MMS22L: variants seen among roughly 807,000 people sequenced by gnomAD.
MMS22L encodes the protein MMS22 like, DNA repair protein.
MMS22L carries 74 observed loss-of-function variants against 159.1 expected under a neutral mutation model. That is an observed-to-expected ratio of 0.47 (90% CI 0.39 to 0.56). MMS22L has a LOEUF of 0.56. MMS22L is among the 20% of genes least tolerant of loss of function. The probability of loss-of-function intolerance (pLI) is 0.00; values close to 1 mark genes in which losing one functional copy is unlikely to be tolerated. For synonymous variants in MMS22L, 517 were observed against 506.9 expected (o/e 1.02, Z -0.27); for missense variants, 1,351 against 1,422.1 (o/e 0.95, Z 0.80).
intron 10 of MMS22L, among the ~76,000 whole-genome samples, chr6:97,247,881 A>T (rs1812836996): frequency 6.6e-6 from 1 of 152,184 alleles, no homozygotes; most frequent in South Asian, 2.1e-4. Context: ...AGCATAATGA[A>T]TTCTCATGAT....
intron 11 of MMS22L, among the ~76,000 whole-genome samples, chr6:97,245,775 G>GT (rs1234715655): frequency 6.7e-6 from 1 of 149,936 alleles, no homozygotes; most frequent in East Asian, 2.0e-4. Context: ...TCCTAAAAAA[G>GT]TAAGAGTTAA....
intron 14 of MMS22L, 46 bp from the exon 15 acceptor site, chr6:97,186,736 C>A (rs1170616277): frequency 1.5e-6 from 2 of 1,329,356 alleles, no homozygotes; most frequent in Non-Finnish European, 9.9e-7. Context: ...TAAATGCTTA[C>A]AAAAATCTTC....
chr6:97,246,714 T>G, intron 10 of MMS22L, 24 bp from the exon 11 acceptor site: 2 of 1,103,114 alleles, frequency 1.8e-6, no homozygotes, highest in Non-Finnish European at 2.7e-6. Context: ...AAATAGTGCA[T>G]CAAAATTATT....
chr6:97,177,773 T>C (rs914528927), intron 18 of MMS22L, among the ~76,000 whole-genome samples: 1 of 152,306 alleles, frequency 6.6e-6, no homozygotes. Context: ...AAAGAGCTTA[T>C]TGATTTTAAT....
intron 2 of MMS22L, among the ~76,000 whole-genome samples, chr6:97,282,103 AG>A (rs1816803530): frequency 6.6e-6 from 1 of 152,240 alleles, no homozygotes; most frequent in South Asian, 2.1e-4. Context: ...TCAGTTACCA[AG>A]GAAGTTTTCC....
chr6:97,264,479 G>GT (rs1192294781), intron 8 of MMS22L: 10 of 151,842 alleles, frequency 6.6e-5, no homozygotes, highest in African/African-American at 2.2e-4. Context: ...TTTTACGTAA[G>GT]TTATGTACAC....
intron 5 of MMS22L, 35 bp from the exon 6 acceptor site, chr6:97,272,916 T>A: frequency 6.2e-7 from 1 of 1,606,860 alleles, no homozygotes; most frequent in East Asian, 2.2e-5. Context: ...ACAACTAGAG[T>A]CTGTGTGAAT....
At chr6:97,217,673 T>C (rs537398408) in intron 14 of MMS22L, among the ~76,000 whole-genome samples, 31 of 152,186 alleles carry the variant, frequency 2.0e-4, no homozygotes, top group Non-Finnish European at 4.3e-4. Flanking sequence ...ATCAGGGGCA[T>C]AGCAAATAAA....
chr6:97,246,839 A>G (rs1812698393), intron 10 of MMS22L, 149 bp from the exon 11 acceptor site: 4 of 573,318 alleles, frequency 7.0e-6, no homozygotes, highest in Non-Finnish European at 1.2e-5. Context: ...TTCCTTTGGT[A>G]AAGAGTTAAC....
intron 11 of MMS22L, among the ~76,000 whole-genome samples, chr6:97,237,606 AC>A (rs1322550427): frequency 6.6e-6 from 1 of 152,222 alleles, no homozygotes; most frequent in Non-Finnish European, 1.5e-5. Context: ...TATATACGCC[AC>A]GGTGCCTGTT....
At position 97,282,539 on chromosome 6, in the gene MMS22L, G is replaced by A. The variant is rs1377474345; in HGVS notation, c.-62C>T. ...GTATCATTAAGGGCTCCAAAGAGAA[G>A]GTGTGAAGAGATTCCTGTTGGGGGG... On this transcript the variant is annotated 5_prime_UTR_variant, in exon 2 of 25. Transcript: ENST00000683635. The A allele has an allele frequency of 5.0e-6, 2 of 397,078 alleles. No individual in the cohort carries two copies. Among genetic ancestry groups the A allele is most frequent in the Non-Finnish European group, 7.3e-6 (2 of 273,158 alleles). The allele number at this position is 397,078 out of a possible 1,614,324, so 24.6% of individuals were successfully genotyped here.
chr6:97,225,604 G>A (rs1376092536), intron 14 of MMS22L, among the ~76,000 whole-genome samples: 1 of 146,234 alleles, frequency 6.8e-6, no homozygotes, highest in African/African-American at 2.6e-5. Context: ...ACCCAGTCTC[G>A]CTCTGTCACA....
At chr6:97,159,477 T>A (rs1033965394) in intron 22 of MMS22L, among the ~76,000 whole-genome samples, 1 of 152,038 alleles carries the variant, frequency 6.6e-6, no homozygotes, top group African/African-American at 2.4e-5. Flanking sequence ...ACTTATTATA[T>A]AATATCTACA....
chr6:97,281,806 C>A (rs1317556158), intron 2 of MMS22L, among the ~76,000 whole-genome samples: 2 of 152,202 alleles, frequency 1.3e-5, no homozygotes, highest in African/African-American at 4.8e-5. Context: ...AGTTTCCTCA[C>A]TGAAACTGCC....
chr6:97,168,223 A>G lies in MMS22L; in HGVS notation c.2857T>C (p.Trp953Arg). ...TTAGAAGTGGCAAAGATTTGTGCCC[A>G]TGATTTCACAAGAATTCCTAACAAA... is the stretch of plus-strand genomic sequence containing the variant. Reference protein sequence around the residue: ...YGMMGILVKSWAQIFATSKAQ... With the variant: ...YGMMGILVKSRAQIFATSKAQ... The change falls in exon 20 of 25, where the codon TGG (tryptophan) becomes CGG (arginine). Residue 953 changes from tryptophan (W) to arginine (R), a missense_variant. Transcript: ENST00000683635. 6.2e-7 allele frequency: 1 copy of G among 1,612,592 alleles called. No individual in the cohort carries two copies. The highest frequency in any genetic ancestry group is 1.1e-5 in the South Asian group (1 of 90,932).
At chr6:97,281,018 T>A (rs781293908) in intron 3 of MMS22L, among the ~76,000 whole-genome samples, 1 of 152,204 alleles carries the variant, frequency 6.6e-6, no homozygotes, top group African/African-American at 2.4e-5. Flanking sequence ...TCAATACATG[T>A]GTCAAATGCA....
At chr6:97,273,683 C>T (rs143894810) in intron 4 of MMS22L, among the ~76,000 whole-genome samples, 1 of 152,092 alleles carries the variant, frequency 6.6e-6, no homozygotes, top group African/African-American at 2.4e-5. Context: ...TAAAATGGTG[C>T]CACCAGTAGC....
chr6:97,159,322 T>A (rs1269106322), intron 22 of MMS22L, among the ~76,000 whole-genome samples: 1 of 151,882 alleles, frequency 6.6e-6, no homozygotes, highest in Non-Finnish European at 1.5e-5. Context: ...TTGAACTATT[T>A]CCTTTGTGGT....
intron 14 of MMS22L, among the ~76,000 whole-genome samples, chr6:97,197,752 C>T (rs1474620): frequency 0.47 from 71,766 of 151,954 alleles, 17,561 homozygotes; most frequent in East Asian, 0.77. Flanking sequence ...AGTTAGAATA[C>T]AAGCAACAGT....
Sources: allele counts gnomAD v4.1 joint callset (sites outside exome capture counted in the v4.1 genomes callset), GRCh38; gene constraint gnomAD v4.1.1; transcripts MANE v1.5; gene names NCBI Gene and HGNC (gene_info 2026-07-23, HGNC 2026-07-21).